Variants in ZNF512B observed in about 807,000 individuals in gnomAD.
ZNF512B encodes the protein zinc finger protein 512B.
ZNF512B carries 22 observed loss-of-function variants against 87.8 expected under a neutral mutation model. That is an observed-to-expected ratio of 0.25 (90% CI 0.18 to 0.36). ZNF512B has a LOEUF of 0.36. ZNF512B is among the 10% of genes least tolerant of loss of function. The probability of loss-of-function intolerance (pLI) is 1.00; values close to 1 mark genes in which losing one functional copy is unlikely to be tolerated. For missense variants in ZNF512B, 1,060 were observed against 1,231.6 expected (o/e 0.86, Z 2.09); for synonymous variants, 524 against 490.9 (o/e 1.07, Z -0.89).
At position 63,962,266 on chromosome 20, in the gene ZNF512B, C is replaced by G; in HGVS notation, c.2265+7G>C. The stretch of plus-strand genomic sequence containing the variant: ...CCCACGCCCCCCACCCGGCTGCCTC[C>G]GCTCACGTCGTTGGGACAGTTGACG... On this transcript the variant is annotated splice_region_variant and intron_variant, in intron 14 of 16. Coordinates refer to ENST00000369888, the MANE Select transcript of ZNF512B (RefSeq NM_020713.3). 3.1e-6 allele frequency: 5 copies of G among 1,606,704 alleles called. No homozygotes were observed. Among genetic ancestry groups the G allele is most frequent in the Non-Finnish European group, 3.4e-6 (4 of 1,178,488 alleles).
At position 63,959,534 on chromosome 20, in the gene ZNF512B, G is replaced by C. The variant is rs1487089852; in HGVS notation, c.*354C>G. 7.0e-6 allele frequency: 2 copies of C among 284,040 alleles called. No homozygotes were observed. Among genetic ancestry groups the C allele is most frequent in the Non-Finnish European group, 1.3e-5 (2 of 153,252 alleles). 17.6% of individuals were successfully genotyped at this position (284,040 alleles called of 1,614,324 possible). On this transcript the variant is annotated 3_prime_UTR_variant, in exon 17 of 17. Coordinates refer to ENST00000369888, the MANE Select transcript of ZNF512B (RefSeq NM_020713.3). ...CTTGGGGTAGCCAGGGAAGGGACCC[G>C]GCAGGGCCTGAGGAAGCGGAGCCGG...
intron 14 of ZNF512B, 95 bp downstream of exon 14, chr20:63,962,178 G>A (rs2058859964): frequency 7.1e-7 from 1 of 1,410,126 alleles, no homozygotes; most frequent in Non-Finnish European, 9.7e-7. Context: ...GGCACCTCCT[G>A]AAAGCTCTCA....
At position 63,966,621 on chromosome 20, in the gene ZNF512B, G is replaced by T; in HGVS notation, c.554C>A (p.Pro185His). 6.2e-7 allele frequency: 1 copy of T among 1,613,520 alleles called. No homozygotes were observed. The highest frequency in any genetic ancestry group is 8.5e-7 in the Non-Finnish European group (1 of 1,179,940). Residue 185 changes from proline to histidine, a missense_variant, in exon 5 of 17, where the codon CCT becomes CAT. By Grantham distance (77) the Pro-to-His change is moderately conservative. Coordinates refer to ENST00000369888, the MANE Select transcript of ZNF512B (RefSeq NM_020713.3). ...TCCGATGGGCTTGCTGACCCCAACA[G>T]GCCGGCTGATGGTGACCGGCCTGCT... ...PISRPVTISRPVGVSKPIGVS... is the reference protein window; with the variant it reads ...PISRPVTISRHVGVSKPIGVS...
chr20:63,962,116 G>A (rs915889052), intron 14 of ZNF512B, 112 bp from the exon 15 acceptor site: 69 of 1,359,880 alleles, frequency 5.1e-5, no homozygotes, highest in Non-Finnish European at 6.9e-5. Context: ...GTGAGGGGGT[G>A]TGAGTCCTGG....
rs1390530240 is a variant in ZNF512B at position 63,957,261 on chromosome 20, C to CT, written c.*2626_*2627insA. On this transcript the variant is annotated 3_prime_UTR_variant, in exon 17 of 17. Coordinates refer to ENST00000369888, the MANE Select transcript of ZNF512B (RefSeq NM_020713.3). ...GTGAGTCAGCCCTTCCGGGCCCTTT[C>CT]CTGTTCTCAGGGCAGGGGGCGTGCG... The CT allele has an allele frequency of 6.6e-6, 1 of 152,666 alleles. No homozygotes were observed. Among genetic ancestry groups the CT allele is most frequent in the African/African-American group, 2.4e-5 (1 of 41,468 alleles). 9.5% of individuals were successfully genotyped at this position (152,666 alleles called of 1,614,324 possible).
In ZNF512B at chr20:63,960,019, C is replaced by T. The variant is rs776926482; in HGVS notation, c.2548G>A (p.Glu850Lys). 1.2e-6 allele frequency: 2 copies of T among 1,613,712 alleles called. No homozygotes were observed. The highest frequency in any genetic ancestry group is 1.7e-6 in the Non-Finnish European group (2 of 1,180,020). The change falls in exon 17 of 17, where the codon GAG becomes AAG. Residue 850 changes from glutamate to lysine, a missense_variant. Around this residue, in one of 9 missense-constraint regions of ZNF512B, gnomAD observed 253 missense variants for 259.2 expected, o/e 0.98. Coordinates refer to ENST00000369888, the MANE Select transcript of ZNF512B (RefSeq NM_020713.3). ...GCCACAGGCTCCTCTGGGGTCCGCT[C>T]CTTGGGCTTTCGGCCCCGCTTCTTT... ...GGKKRGRKPK[E>K]RTPEEPVAKL...
rs992556879 is a variant in ZNF512B, at chr20:63,958,101, G to A, written c.*1787C>T. The A allele has an allele frequency of 6.6e-6, 1 of 152,232 alleles. No individual in the cohort carries two copies. Among genetic ancestry groups the A allele is most frequent in the African/African-American group, 2.4e-5 (1 of 41,426 alleles). The allele number at this position is 152,232 out of a possible 1,614,324, so 9.4% of individuals were successfully genotyped here. On this transcript the variant is annotated 3_prime_UTR_variant, in exon 17 of 17. Coordinates refer to ENST00000369888, the MANE Select transcript of ZNF512B (RefSeq NM_020713.3). ...TGAGGGTTGGAGCCTTCTGGCCCAA[G>A]GATGAAGCCAGAGACAGGAAGTGTT...
At position 63,964,527 on chromosome 20, in the gene ZNF512B, C is replaced by A; in HGVS notation, c.1224G>T (p.Ala408=). ...GCTCCGGGTCCTCCTCAGGCGGGGA[C>A]GCAGGGCCTGCAGCCTTCAGTGCCT... The part of the protein sequence containing the change: ...GMEALKAAGP[A]SPPEEDPERT... The change falls in exon 6 of 17, where the codon GCG becomes GCT. Residue 408 remains alanine (A), a synonymous_variant. Coordinates refer to ENST00000369888, the MANE Select transcript of ZNF512B (RefSeq NM_020713.3). 7 of 1,612,776 alleles carry A rather than the reference C, an allele frequency of 4.3e-6. No homozygotes were observed. The highest frequency in any genetic ancestry group is 5.9e-6 in the Non-Finnish European group (7 of 1,179,912).
At chr20:63,967,988 G>A (rs2058945663) in intron 1 of ZNF512B, 36 bp from the exon 2 acceptor site, 2 of 1,580,410 alleles carry the variant, frequency 1.3e-6, no homozygotes, top group Non-Finnish European at 1.7e-6. Flanking sequence ...AAGCCTGACG[G>A]GCCCCACTTG....
Position 63,959,092 on chromosome 20 carries a change from C to T in ZNF512B, c.*796G>A, listed in dbSNP as rs747548244. ...CTGGAGGAGAGCACACTCCAGGGGC[C>T]CCACACCCCCAGGGCTGGCAGCTGT... On this transcript the variant is annotated 3_prime_UTR_variant, in exon 17 of 17. Coordinates refer to ENST00000369888, the MANE Select transcript of ZNF512B (RefSeq NM_020713.3). 6.6e-6 allele frequency: 1 copy of T among 152,520 alleles called. No homozygotes were observed. The highest frequency in any genetic ancestry group is 1.5e-5 in the Non-Finnish European group (1 of 68,276). The allele number at this position is 152,520 out of a possible 1,614,324, so 9.4% of individuals were successfully genotyped here.
Position 63,961,261 on chromosome 20 carries a change from C to T in ZNF512B, c.2427+48G>A, listed in dbSNP as rs2058847463. On this transcript the variant is annotated intron_variant, in intron 16 of 16. Coordinates refer to ENST00000369888, the MANE Select transcript of ZNF512B (RefSeq NM_020713.3). This position sits in a 1 kb window ranked among gnomAD's most constrained non-coding sequence, Gnocchi z 6.4. ...GGGGTGCCCAACCCCAGCCCTGTCCCCTCCTGGGCTAGCCCCCAGCCACAG... is the reference window on the plus strand; with the variant it reads ...GGGGTGCCCAACCCCAGCCCTGTCCTCTCCTGGGCTAGCCCCCAGCCACAG... 2 of 1,586,730 alleles carry T rather than the reference C, an allele frequency of 1.3e-6. No individual in the cohort carries two copies. The highest frequency in any genetic ancestry group is 1.7e-6 in the Non-Finnish European group (2 of 1,161,170).
chr20:63,961,830 A>T lies in ZNF512B; in HGVS notation c.2328+112T>A, dbSNP rs2058854943. ...TTCGTGGAAGAGGAGGCCACGTAGAAAAAGTAGGGGACAAGGCAGGGTCCC... is the reference window on the plus strand; with the variant it reads ...TTCGTGGAAGAGGAGGCCACGTAGATAAAGTAGGGGACAAGGCAGGGTCCC... On this transcript the variant is annotated intron_variant, in intron 15 of 16. Coordinates refer to ENST00000369888, the MANE Select transcript of ZNF512B (RefSeq NM_020713.3). This position sits in a 1 kb window ranked among gnomAD's most constrained non-coding sequence, Gnocchi z 6.4. The T allele has an allele frequency of 1.7e-6, 2 of 1,180,832 alleles. No homozygotes were observed. The highest frequency in any genetic ancestry group is 4.2e-5 in the Admixed American group (2 of 47,446). The allele number at this position is 1,180,832 out of a possible 1,614,324, so 73.1% of individuals were successfully genotyped here. A position where few individuals can be genotyped will look rare whatever the true frequency, so the allele number is the denominator to read the frequency against.
At chr20:63,960,783 G>A (rs1308007273) in intron 16 of ZNF512B, among the ~76,000 whole-genome samples, 1 of 143,824 alleles carries the variant, frequency 7.0e-6, no homozygotes, top group African/African-American at 2.6e-5. Context: ...ACAGCCTTCA[G>A]GACCAGGCAA....
At chr20:63,969,195 T>G in intron 1 of ZNF512B, 1 of 985,312 alleles carries the variant, frequency 1.0e-6, no homozygotes, top group East Asian at 1.1e-4. Context: ...CCCGGTGGCC[T>G]GGGGTGCAGG....
rs2058944020 is a variant in ZNF512B, at chr20:63,967,884, C to T, written c.67G>A (p.Asp23Asn). The change falls in exon 2 of 17, where the codon GAT (aspartate) becomes AAT (asparagine). Residue 23 changes from aspartate (D) to asparagine (N), a missense_variant. By Grantham distance (23) the Asp-to-Asn change is conservative. Around this residue, in one of 9 missense-constraint regions of ZNF512B, gnomAD observed 134 missense variants for 153.6 expected, o/e 0.87. Transcript: ENST00000369888. ...PGSSKSGPGKDGSRKEVRLPM... is the reference protein window; with the variant it reads ...PGSSKSGPGKNGSRKEVRLPM... ...AGTCGGACCTCCTTTCGGCTGCCAT[C>T]CTTCCCGGGACCACTCTTGCTGGAC... 1.2e-6 allele frequency: 2 copies of T among 1,613,406 alleles called. No homozygotes were observed. The highest frequency in any genetic ancestry group is 1.7e-6 in the Non-Finnish European group (2 of 1,179,846).
chr20:63,963,430 G>A lies in ZNF512B; in HGVS notation c.1709C>T (p.Ala570Val). 6.5e-7 allele frequency: 1 copy of A among 1,547,776 alleles called. No individual in the cohort carries two copies. Among genetic ancestry groups the A allele is most frequent in the Non-Finnish European group, 8.7e-7 (1 of 1,151,270 alleles). The change falls in exon 11 of 17, where the codon GCC (alanine) becomes GTC (valine). Residue 570 changes from alanine (A) to valine (V), a missense_variant. Around this residue, in one of 9 missense-constraint regions of ZNF512B, gnomAD observed 165 missense variants for 173.0 expected, o/e 0.95. Transcript: ENST00000369888. ...CTGCTCGCCCCCTTCGGAGGCCTCG[G>A]CGTCAGAGGGCTGGGGACAGGGTGA... ...MAEHSAKPSD[A>V]EASEGGEQEE... is the part of the protein sequence containing the mutation.
chr20:63,962,298 T>C lies in ZNF512B; in HGVS notation c.2240A>G (p.Lys747Arg), dbSNP rs771513012. The change falls in exon 14 of 17, where the codon AAA becomes AGA. Residue 747 changes from lysine to arginine, a missense_variant. This residue lies in a region of ZNF512B where 253 missense variants were observed against 259.2 expected (regional missense o/e 0.98). Transcript: ENST00000369888. ...GTCGTTGGGACAGTTGACGTGGCCT[T>C]TCTCCTTCACTTCATTCTTCCATGC... ...LEAWKNEVKE[K>R]GHVNCPNDCC... 6.2e-7 allele frequency: 1 copy of C among 1,612,518 alleles called. No homozygotes were observed. Among genetic ancestry groups the C allele is most frequent in the Non-Finnish European group, 8.5e-7 (1 of 1,179,934 alleles).
chr20:63,964,914 C>T (rs1278019734), intron 5 of ZNF512B, among the ~76,000 whole-genome samples, 198 bp from the exon 6 acceptor site: 6 of 59,484 alleles, frequency 1.0e-4, no homozygotes, highest in African/African-American at 6.5e-4. Flanking sequence ...TACCTTTTCT[C>T]ACCACTGTTC....
intron 16 of ZNF512B, among the ~76,000 whole-genome samples, chr20:63,960,710 A>G (rs112303344): frequency 0.14 from 16,955 of 119,432 alleles, 1,275 homozygotes; most frequent in Middle Eastern, 0.18. Flanking sequence ...GGACCAGGCA[A>G]GCACCTGCAG....
Sources: gnomAD v4.1 joint callset for allele counts (sites outside exome capture counted in the v4.1 genomes callset) on GRCh38, gnomAD v4.1.1 for gene constraint, gnomAD v4.1.1 regional missense constraint, Gnocchi (gnomAD v3.1) non-coding constraint, MANE v1.5 for transcripts, NCBI Gene and HGNC (gene_info 2026-07-23, HGNC 2026-07-21) for gene names.